FIG4: variants seen among roughly 807,000 people sequenced by gnomAD.
The protein encoded by FIG4 is polyphosphoinositide phosphatase.
Under a neutral mutation model 118.6 loss-of-function variants are expected in FIG4, and 112 were observed. That is an observed-to-expected ratio of 0.94 (90% CI 0.81 to 1.11). The LOEUF is 1.11. FIG4 is among the 50% of genes least tolerant of loss of function. The probability of loss-of-function intolerance (pLI) is 0.00; values close to 1 mark genes in which losing one functional copy is unlikely to be tolerated. For missense variants in FIG4, 969 were observed against 1,111.7 expected, an observed-to-expected ratio of 0.87 and a Z score of 1.83; for synonymous variants, 369 against 381.2, an observed-to-expected ratio of 0.97 and a Z score of 0.37.
At chr6:109,756,083 C>T (rs568660881) in intron 10 of FIG4, among the ~76,000 whole-genome samples, 13 of 152,280 alleles carry the variant, frequency 8.5e-5, no homozygotes, top group African/African-American at 3.1e-4. Flanking sequence ...GCCGGTTGTT[C>T]CTTTCCATGT....
At chr6:109,758,861 A>G (rs1562666926) in intron 10 of FIG4, among the ~76,000 whole-genome samples, 1 of 152,256 alleles carries the variant, frequency 6.6e-6, no homozygotes, top group Non-Finnish European at 1.5e-5. Context: ...AAGGCTCATC[A>G]TCACTGGTCA....
intron 1 of FIG4, among the ~76,000 whole-genome samples, chr6:109,699,711 C>G (rs1025812217): frequency 1.3e-5 from 2 of 152,074 alleles, no homozygotes; most frequent in African/African-American, 4.8e-5. Flanking sequence ...ACCATGTTGG[C>G]TAGCCTGGTC....
intron 1 of FIG4, among the ~76,000 whole-genome samples, chr6:109,697,136 C>T (rs1774747681): frequency 1.3e-5 from 2 of 151,960 alleles, no homozygotes; most frequent in African/African-American, 4.8e-5. Flanking sequence ...GTGGTGGGCG[C>T]CTGTAGTCCT....
chr6:109,721,705 G>A (rs1368743506), intron 3 of FIG4, among the ~76,000 whole-genome samples: 1 of 152,096 alleles, frequency 6.6e-6, no homozygotes, highest in Admixed American at 6.5e-5. Flanking sequence ...GATTCTTGGT[G>A]GATGTCTATG....
At chr6:109,788,615 C>A (rs1041965482) in intron 18 of FIG4, among the ~76,000 whole-genome samples, 1 of 152,190 alleles carries the variant, frequency 6.6e-6, no homozygotes, top group Admixed American at 6.5e-5. Context: ...GTTACAGATA[C>A]ACCTTAGTGA....
At position 109,716,581 on chromosome 6, in the gene FIG4, C is replaced by A. The variant is rs1334113726; in HGVS notation, c.289+13C>A. Reference sequence around the variant, plus strand: ...TTTGGTGTTGTGGGTAAGAAATCTGCCCCCCTTCTTACAATCTCTTGTTTT... The same window carrying A: ...TTTGGTGTTGTGGGTAAGAAATCTGACCCCCTTCTTACAATCTCTTGTTTT... On this transcript the variant is annotated intron_variant, in intron 3 of 22. Coordinates refer to ENST00000230124, the MANE Select transcript of FIG4 (RefSeq NM_014845.6). 1.2e-6 allele frequency: 2 copies of A among 1,613,124 alleles called. No homozygotes were observed. Among genetic ancestry groups the A allele is most frequent in the Non-Finnish European group, 1.7e-6 (2 of 1,179,250 alleles).
intron 4 of FIG4, among the ~76,000 whole-genome samples, chr6:109,732,218 C>A (rs1197276217): frequency 1.3e-5 from 2 of 152,206 alleles, no homozygotes; most frequent in Non-Finnish European, 2.9e-5. Flanking sequence ...TTATTCTATA[C>A]CTTTTTTGGT....
chr6:109,810,785 G>A (rs73765005), intron 22 of FIG4, among the ~76,000 whole-genome samples: 21,730 of 152,166 alleles, frequency 0.14, 2,330 homozygotes, highest in African/African-American at 0.29. Context: ...TTGTTTAGAA[G>A]TGAAAACAGA....
chr6:109,816,378 A>G (rs1778863112), intron 22 of FIG4, among the ~76,000 whole-genome samples: 1 of 152,194 alleles, frequency 6.6e-6, no homozygotes, highest in Non-Finnish European at 1.5e-5. Context: ...CATCAAAAAC[A>G]AGTAAAGCCT....
rs776228134 is a variant in FIG4, at chr6:109,712,429, AG to A, written c.67-2646del. Among the ~76,000 whole-genome samples the A allele has an allele frequency of 5.3e-5, 8 of 152,276 alleles. No individual in the cohort carries two copies. In the East Asian group the frequency reaches 7.7e-4, roughly 15 times the overall value. On this transcript the variant is annotated intron_variant, in intron 1 of 22. Transcript: ENST00000230124. ...CTTTACATAATCCCACATTACTCAG[AG>A]GGTTTGTTCATACCTTTTCATTCTT...
At chr6:109,771,976 T>C (rs144741635) in intron 15 of FIG4, among the ~76,000 whole-genome samples, 1 of 152,338 alleles carries the variant, frequency 6.6e-6, no homozygotes, top group East Asian at 1.9e-4. Flanking sequence ...GCCACAGTCC[T>C]ATTTTTCTGC....
intron 3 of FIG4, among the ~76,000 whole-genome samples, chr6:109,726,783 T>G (rs555969582): frequency 6.6e-6 from 1 of 152,240 alleles, no homozygotes; most frequent in East Asian, 1.9e-4. Context: ...CTTACTTCCT[T>G]GAGCAGTGGT....
chr6:109,751,489 G>T (rs1482991403), intron 10 of FIG4, among the ~76,000 whole-genome samples: 3 of 152,150 alleles, frequency 2.0e-5, no homozygotes, highest in Admixed American at 2.0e-4. Flanking sequence ...AGAAGGAATG[G>T]TACCAGCTCC....
At chr6:109,810,635 T>C (rs1463644182) in intron 22 of FIG4, among the ~76,000 whole-genome samples, 5 of 152,204 alleles carry the variant, frequency 3.3e-5, no homozygotes, top group Non-Finnish European at 7.3e-5. Flanking sequence ...CAAAGCCCAA[T>C]GGGAATTAAG....
In FIG4 at chr6:109,825,195, G is replaced by T. The variant is rs550030053; in HGVS notation, c.2654G>T (p.Gly885Val). The change falls in exon 23 of 23, where the codon GGT becomes GTT. Residue 885 changes from glycine (G) to valine (V), a missense_variant. This residue lies in a region of FIG4 where 330 missense variants were observed against 348.1 expected (regional missense o/e 0.95). Transcript: ENST00000230124. The part of the protein sequence containing the change: ...IFQAHIQASQ[G>V]IMQPLGKEDS... ...CAAGCCCACATCCAGGCCAGCCAAG[G>T]TATCATGCAGCCCCTAGGAAAAGAG... 22 of 1,614,054 alleles carry T rather than the reference G, an allele frequency of 1.4e-5. No individual in the cohort carries two copies. The South Asian group carries it at 2.1e-4, about 15-fold the overall frequency.
chr6:109,705,953 G>A (rs1255052708), intron 1 of FIG4, among the ~76,000 whole-genome samples: 1 of 152,132 alleles, frequency 6.6e-6, no homozygotes, highest in Admixed American at 6.5e-5. Context: ...ATTTTTCTAT[G>A]TGCTTACCCA....
intron 20 of FIG4, 150 bp downstream of exon 20, chr6:109,791,721 C>T: frequency 1.4e-6 from 1 of 721,884 alleles, no homozygotes; most frequent in South Asian, 1.5e-5. Flanking sequence ...ATACATTTAG[C>T]ATTTACATGA....
chr6:109,705,372 CA>C (rs1436389707), intron 1 of FIG4, among the ~76,000 whole-genome samples: 1 of 152,186 alleles, frequency 6.6e-6, no homozygotes, highest in Non-Finnish European at 1.5e-5. Context: ...CCGCGGTCTA[CA>C]GTAGGCCAGC....
chr6:109,760,308 C>T lies in FIG4; in HGVS notation c.1196C>T (p.Thr399Ile), dbSNP rs751952457. 6.2e-7 allele frequency: 1 copy of T among 1,612,906 alleles called. No homozygotes were observed. Among genetic ancestry groups the T allele is most frequent in the Non-Finnish European group, 8.5e-7 (1 of 1,178,914 alleles). Residue 399 changes from threonine to isoleucine, a missense_variant, in exon 11 of 23, where the codon ACC becomes ATC. Thr to Ile is a moderately conservative substitution (Grantham distance 89). Coordinates refer to ENST00000230124, the MANE Select transcript of FIG4 (RefSeq NM_014845.6). ...ILSEELVAAVTYLNQFLPPEH... is the reference protein window; with the variant it reads ...ILSEELVAAVIYLNQFLPPEH... ...AGTGAAGAACTTGTTGCTGCTGTGACCTATCTCAACCAATTTTTGCCTCCT... is the reference window on the plus strand; with the variant it reads ...AGTGAAGAACTTGTTGCTGCTGTGATCTATCTCAACCAATTTTTGCCTCCT...
Sources: gnomAD v4.1 joint callset for allele counts (sites outside exome capture counted in the v4.1 genomes callset) on GRCh38, gnomAD v4.1.1 for gene constraint, gnomAD v4.1.1 regional missense constraint, MANE v1.5 for transcripts, NCBI Gene and HGNC (gene_info 2026-07-23, HGNC 2026-07-21) for gene names.